ORC1: variants seen among roughly 807,000 people sequenced by gnomAD.
ORC1 encodes the protein origin recognition complex, subunit 1 homolog.
A neutral mutation model predicts 98.9 loss-of-function variants in ORC1; 61 were observed. The ratio of observed to expected loss-of-function variants is 0.62; its 90% CI spans 0.50 to 0.76. ORC1 has a LOEUF of 0.76. Ranked by LOEUF, ORC1 falls within the 30% of genes least tolerant of loss-of-function variation. ORC1 has a pLI of 0.00. For missense variants in ORC1, 979 were observed against 1,072.2 expected (o/e 0.91, Z 1.21); for synonymous variants, 385 against 406.9 (o/e 0.95, Z 0.65).
chr1:52,407,091 C>T (rs1233326959), upstream of ORC1, among the ~76,000 whole-genome samples: 1 of 152,220 alleles, frequency 6.6e-6, no homozygotes, highest in Non-Finnish European at 1.5e-5. Flanking sequence ...AGTCTCGGCT[C>T]ACTGCAAGCT....
upstream of ORC1, chr1:52,404,518 C>A: frequency 4.2e-6 from 2 of 472,662 alleles, no homozygotes; most frequent in Non-Finnish European, 7.6e-6. Context: ...CTCCGTACAC[C>A]TAAGAGGGGC....
intron 3 of ORC1, 92 bp from the exon 4 acceptor site, chr1:52,397,955 T>C: frequency 8.2e-7 from 1 of 1,222,642 alleles, no homozygotes; most frequent in South Asian, 1.2e-5. Context: ...TGCTTAACCC[T>C]TGACATGTGT....
chr1:52,404,928 C>T, upstream of ORC1: 5 of 1,600,858 alleles, frequency 3.1e-6, no homozygotes, highest in East Asian at 2.2e-5. Flanking sequence ...TGGCCCATTT[C>T]TCCTGACCGA....
intron 1 of ORC1, among the ~76,000 whole-genome samples, chr1:52,403,841 C>T (rs755338817): frequency 9.9e-5 from 15 of 152,170 alleles, no homozygotes; most frequent in Non-Finnish European, 1.5e-4. Context: ...CAATTTACGT[C>T]CGTAAAATGG....
intron 6 of ORC1, among the ~76,000 whole-genome samples, chr1:52,391,554 T>C (rs1647212526): frequency 6.6e-6 from 1 of 151,990 alleles, no homozygotes; most frequent in Non-Finnish European, 1.5e-5. Flanking sequence ...ACCCAGAATC[T>C]ACAAGGAACT....
At chr1:52,408,359 C>T (rs771029893), upstream of ORC1, 11 of 690,172 alleles carry the variant, frequency 1.6e-5, no homozygotes, top group Non-Finnish European at 2.4e-5. Context: ...GTATGATGTT[C>T]CCACAGCCAT....
upstream of ORC1, chr1:52,404,907 C>CA: frequency 6.2e-7 from 1 of 1,611,220 alleles, no homozygotes; most frequent in Non-Finnish European, 8.5e-7. Context: ...GAGCGCCTCT[C>CA]AGCCCCCTTG....
chr1:52,399,623 C>CAAAAAAAA (rs1198516466), intron 3 of ORC1, among the ~76,000 whole-genome samples: 1 of 64,116 alleles, frequency 1.6e-5, no homozygotes, highest in African/African-American at 5.2e-5. Flanking sequence ...GACTCTGTCT[C>CAAAAAAAA]AAAAAAAAAA....
At chr1:52,404,966 T>TG (rs1279398936), upstream of ORC1, 1 of 1,504,550 alleles carries the variant, frequency 6.6e-7, no homozygotes, top group Admixed American at 2.0e-5. Context: ...GACTGGCCTC[T>TG]GGGGGTGGTA....
chr1:52,386,409 G>T (rs1310052673), intron 8 of ORC1, among the ~76,000 whole-genome samples: 3 of 152,126 alleles, frequency 2.0e-5, no homozygotes, highest in Non-Finnish European at 4.4e-5. Context: ...CACGGTGCGG[G>T]ACCTGGAGAA....
At chr1:52,396,418 G>A in intron 4 of ORC1, 54 bp from the exon 5 acceptor site, 2 of 1,610,052 alleles carry the variant, frequency 1.2e-6, no homozygotes, top group South Asian at 2.2e-5. Flanking sequence ...AGAGAGCCAA[G>A]GAGTATTCCA....
chr1:52,404,628 T>G, upstream of ORC1: 1 of 1,093,488 alleles, frequency 9.1e-7, no homozygotes, highest in Non-Finnish European at 1.3e-6. Flanking sequence ...GGCTTCAAGA[T>G]GGTCGCCTAA....
At chr1:52,408,930 C>G (rs1289444960), upstream of ORC1, 2 of 386,932 alleles carry the variant, frequency 5.2e-6, no homozygotes, top group Non-Finnish European at 9.4e-6. Flanking sequence ...TTATGTTAAT[C>G]CCTGCCTTGC....
At chr1:52,392,903 G>C (rs1457294221) in intron 6 of ORC1, among the ~76,000 whole-genome samples, 2 of 152,184 alleles carry the variant, frequency 1.3e-5, no homozygotes, top group African/African-American at 4.8e-5. Flanking sequence ...TGGGGACTCG[G>C]GGAAGGGTGG....
chr1:52,394,671 CAG>C (rs1219974907), intron 5 of ORC1, among the ~76,000 whole-genome samples: 2 of 152,064 alleles, frequency 1.3e-5, no homozygotes, highest in East Asian at 1.9e-4. Flanking sequence ...TTTTCTGAGA[CAG>C]AGTCTTGCTC....
At chr1:52,377,720 A>C (rs1647012755) in intron 14 of ORC1, among the ~76,000 whole-genome samples, 1 of 151,686 alleles carries the variant, frequency 6.6e-6, no homozygotes, top group Non-Finnish European at 1.5e-5. Flanking sequence ...AAAAAAAAAA[A>C]AAAACAAATT....
At chr1:52,396,757 T>C (rs1647418159) in intron 4 of ORC1, among the ~76,000 whole-genome samples, 1 of 152,216 alleles carries the variant, frequency 6.6e-6, no homozygotes, top group Admixed American at 6.5e-5. Context: ...TGCTTTCTTT[T>C]CCAGTCCATT....
At position 52,388,538 on chromosome 1, in the gene ORC1, C is replaced by T. The variant is rs61756135; in HGVS notation, c.1287G>A (p.Pro429=). 6.2e-6 allele frequency: 10 copies of T among 1,613,882 alleles called. No individual in the cohort carries two copies. Among genetic ancestry groups the T allele is most frequent in the African/African-American group, 4.0e-5 (3 of 74,910 alleles). Residue 429 remains proline, a synonymous_variant, in exon 8 of 17, where the codon CCG becomes CCA. Transcript: ENST00000371568. ...SSSDEEEAST[P]PLPRRAPRTV... ...TTCTGGGTGCTCTCCTTGGAAGGGGCGGTGTGGAAGCCTCTTCTTCGTCAC... is the reference window on the plus strand; with the variant it reads ...TTCTGGGTGCTCTCCTTGGAAGGGGTGGTGTGGAAGCCTCTTCTTCGTCAC...
At chr1:52,374,697 T>G in intron 16 of ORC1, 113 bp downstream of exon 16, 2 of 757,366 alleles carry the variant, frequency 2.6e-6, no homozygotes, top group Non-Finnish European at 4.7e-6. Context: ...CTGGTATTCT[T>G]TCACATACTC....
Sources: gnomAD v4.1 joint callset for allele counts (sites outside exome capture counted in the v4.1 genomes callset) on GRCh38, gnomAD v4.1.1 for gene constraint, MANE v1.5 for transcripts, NCBI Gene and HGNC (gene_info 2026-07-23, HGNC 2026-07-21) for gene names.